Variants in DNAH10 observed in about 807,000 individuals in gnomAD.
DNAH10 encodes dynein axonemal heavy chain 10.
In DNAH10, 348 loss-of-function variants were observed where a neutral mutation model predicts 506.6. The ratio of observed to expected loss-of-function variants is 0.69; its 90% CI spans 0.63 to 0.75. The LOEUF (loss-of-function observed/expected upper bound fraction) is 0.75. DNAH10 is among the 30% of genes least tolerant of loss of function. The probability of loss-of-function intolerance (pLI) is 0.00; values close to 1 mark genes in which losing one functional copy is unlikely to be tolerated. For synonymous variants in DNAH10, 2,059 were observed against 2,198.6 expected, an observed-to-expected ratio of 0.94 and a Z score of 1.78; for missense variants, 5,179 against 5,787.1, an observed-to-expected ratio of 0.89 and a Z score of 3.41.
At chr12:123,839,226 A>C (rs7135932) in intron 29 of DNAH10, among the ~76,000 whole-genome samples, 12,243 of 149,654 alleles carry the variant, frequency 0.082, 1,543 homozygotes, top group African/African-American at 0.28. Context: ...AAAAAAAAAA[A>C]AAAAACAAAA....
rs1439103551 is a variant in DNAH10, at chr12:123,928,728, C to G, written c.12306+141C>G. 5.3e-6 allele frequency: 5 copies of G among 941,490 alleles called. No individual in the cohort carries two copies. Among genetic ancestry groups the G allele is most frequent in the Non-Finnish European group, 6.2e-6 (4 of 645,770 alleles). The allele number at this position is 941,490 out of a possible 1,614,324, so 58.3% of individuals were successfully genotyped here. On this transcript the variant is annotated intron_variant, in intron 70 of 78. Transcript: ENST00000673944. The surrounding 1 kb of genome is among the most constrained non-coding windows in gnomAD (Gnocchi z 4.9). Reference sequence around the variant, plus strand: ...GTGAAACCTTGCGGTTGAAACCCTTCTCAATCCCACCTCTCTCTTTAGAGG... The same window carrying G: ...GTGAAACCTTGCGGTTGAAACCCTTGTCAATCCCACCTCTCTCTTTAGAGG...
chr12:123,798,336 A>G (rs900229975), intron 13 of DNAH10, among the ~76,000 whole-genome samples: 6 of 152,218 alleles, frequency 3.9e-5, no homozygotes, highest in African/African-American at 9.6e-5. Flanking sequence ...GAAACTCCCA[A>G]TCATGGTGGA....
At chr12:123,894,082 CTTTTTTT>C (rs558490981) in intron 53 of DNAH10, among the ~76,000 whole-genome samples, 70 of 89,160 alleles carry the variant, frequency 7.9e-4, no homozygotes, top group African/African-American at 2.7e-3. Flanking sequence ...AATGAGCATC[CTTTTTTT>C]TTTTTTTTTT....
chr12:123,885,180 G>A (rs1351380117), intron 51 of DNAH10, among the ~76,000 whole-genome samples: 13 of 152,166 alleles, frequency 8.5e-5, no homozygotes, highest in Admixed American at 5.9e-4. Flanking sequence ...TTGAACCAGA[G>A]GAAGTCAGGG....
In DNAH10 at chr12:123,924,490, C is replaced by T. The variant is rs113254407; in HGVS notation, c.11766+58C>T. 1,070 of 1,587,312 alleles carry T rather than the reference C, an allele frequency of 6.7e-4. 10 individuals are homozygous for T. The African/African-American group carries it at 0.013, about 19-fold the overall frequency. On this transcript the variant is annotated intron_variant, in intron 67 of 78. Coordinates refer to ENST00000673944, the MANE Select transcript of DNAH10 (RefSeq NM_001372106.1). ...TCCCCACATGTCAACAATCTCCAAA[C>T]CTCAACTGTGGCCCAACCCCTTAAG...
chr12:123,864,707 G>C lies in DNAH10; in HGVS notation c.7021G>C (p.Ala2341Pro), dbSNP rs771466330. 6 of 1,613,768 alleles carry C rather than the reference G, an allele frequency of 3.7e-6. No homozygotes were observed. In the Admixed American group the frequency reaches 5.0e-5, roughly 13 times the overall value. Residue 2341 changes from alanine (A) to proline (P), a missense_variant, in exon 40 of 79, where the codon GCA becomes CCA. Around this residue, in one of 3 missense-constraint regions of DNAH10, gnomAD observed 4,844 missense variants for 5,430.5 expected, o/e 0.89. Coordinates refer to ENST00000673944, the MANE Select transcript of DNAH10 (RefSeq NM_001372106.1). ...LANGERIRLQ[A>P]HCALLFEVGD... is the part of the protein sequence containing the mutation. ...CAACGGGGAACGCATCCGGCTCCAA[G>C]CACACTGTGCCCTGCTCTTTGAGGC... is the stretch of plus-strand genomic sequence containing the variant.
At chr12:123,765,799 C>A (rs753827085) in intron 1 of DNAH10, among the ~76,000 whole-genome samples, 4 of 113,354 alleles carry the variant, frequency 3.5e-5, no homozygotes, top group African/African-American at 6.2e-5. Flanking sequence ...GTCTATACAT[C>A]TATCTACCTA....
intron 51 of DNAH10, among the ~76,000 whole-genome samples, chr12:123,883,888 A>G (rs1952616112): frequency 6.6e-6 from 1 of 151,968 alleles, no homozygotes; most frequent in African/African-American, 2.4e-5. Flanking sequence ...GCAGGACGGG[A>G]TCTGTATTCA....
In DNAH10 at chr12:123,916,629, A is replaced by C. The variant is rs1321086210; in HGVS notation, c.10895A>C (p.Lys3632Thr). ...QGRQFIILGD[K>T]EVDYDSNFRL... is the part of the protein sequence containing the mutation. ...CGGCAGTTTATTATCCTGGGAGACAAGGAAGTGGACTATGATTCAAATTTC... is the reference window on the plus strand; with the variant it reads ...CGGCAGTTTATTATCCTGGGAGACACGGAAGTGGACTATGATTCAAATTTC... The change falls in exon 63 of 79, where the codon AAG (lysine) becomes ACG (threonine). Residue 3632 changes from lysine to threonine, a missense_variant. By Grantham distance (78) the Lys-to-Thr change is moderately conservative (BLOSUM62 -1). Transcript: ENST00000673944. The surrounding 1 kb of genome is among the most constrained non-coding windows in gnomAD (Gnocchi z 4.6). The C allele has an allele frequency of 6.2e-7, 1 of 1,613,826 alleles. No homozygotes were observed. Among genetic ancestry groups the C allele is most frequent in the Non-Finnish European group, 8.5e-7 (1 of 1,179,880 alleles).
chr12:123,823,858 T>G (rs975880297), intron 24 of DNAH10, among the ~76,000 whole-genome samples: 5 of 151,350 alleles, frequency 3.3e-5, no homozygotes, highest in African/African-American at 1.2e-4. Context: ...TTCTTTCTGG[T>G]TTTTTTTTCT....
chr12:123,851,115 C>G (rs757903531), intron 35 of DNAH10, 39 bp downstream of exon 35: 1 of 1,534,144 alleles, frequency 6.5e-7, no homozygotes, highest in Admixed American at 2.0e-5. Context: ...GCAGTGCAGA[C>G]TTCACCCGGG....
In DNAH10 at chr12:123,787,994, GT is replaced by G. The variant is rs1565903647; in HGVS notation, c.1614del (p.Leu539CysfsTer15). The G allele has an allele frequency of 1.3e-6, 2 of 1,566,814 alleles. No homozygotes were observed. On this transcript the variant is annotated frameshift_variant, in exon 10 of 79. Coordinates refer to ENST00000673944, the MANE Select transcript of DNAH10 (RefSeq NM_001372106.1). LOFTEE classifies it high-confidence loss of function. This position sits in a 1 kb window ranked among gnomAD's most constrained non-coding sequence, Gnocchi z 4.6. ...CACCATCTGCCAGGACCTCTCCGAC[GT>G]TCTGCAGGTAGGGGCTGGGCGAAGG... ...MATICQDLSD[V>X]LQILEEFYNI...
At chr12:123,788,495 T>C (rs2136209088) in intron 10 of DNAH10, among the ~76,000 whole-genome samples, 1 of 152,246 alleles carries the variant, frequency 6.6e-6, no homozygotes, top group South Asian at 2.1e-4. Flanking sequence ...GAACTCACGG[T>C]GTGCCGGGTA....
intron 16 of DNAH10, 125 bp from the exon 17 acceptor site, chr12:123,803,536 G>A (rs978181386): frequency 1.1e-6 from 1 of 940,458 alleles, no homozygotes; most frequent in Non-Finnish European, 1.5e-6. Context: ...AAAGACCCAA[G>A]GGGTTGGAAT....
chr12:123,826,819 T>A lies in DNAH10; in HGVS notation c.4312T>A (p.Tyr1438Asn). ...RPVRGLSVTY[Y>N]LEAKMKAFKD... The stretch of plus-strand genomic sequence containing the variant: ...AGTCCGTGGCTTATCAGTGACCTAC[T>A]ACTTGGAAGCAAAAATGAAGGCATT... Residue 1438 changes from tyrosine to asparagine, a missense_variant, in exon 25 of 79, where the codon TAC (tyrosine) becomes AAC (asparagine). Coordinates refer to ENST00000673944, the MANE Select transcript of DNAH10 (RefSeq NM_001372106.1). The A allele has an allele frequency of 1.9e-6, 3 of 1,614,030 alleles. No homozygotes were observed. The highest frequency in any genetic ancestry group is 2.5e-6 in the Non-Finnish European group (3 of 1,179,878).
chr12:123,805,556 G>A (rs999109024), intron 18 of DNAH10, among the ~76,000 whole-genome samples: 1 of 152,140 alleles, frequency 6.6e-6, no homozygotes, highest in Non-Finnish European at 1.5e-5. Context: ...GGACCCCATC[G>A]CATTGGTGGC....
At chr12:123,891,117 C>A (rs1388484318) in intron 52 of DNAH10, among the ~76,000 whole-genome samples, 1 of 152,102 alleles carries the variant, frequency 6.6e-6, no homozygotes, top group Non-Finnish European at 1.5e-5. Flanking sequence ...GTGGGGGAAT[C>A]TGTGTTGCTG....
At chr12:123,914,274 T>C in intron 60 of DNAH10, 55 bp from the exon 61 acceptor site, 2 of 1,518,942 alleles carry the variant, frequency 1.3e-6, no homozygotes. Context: ...GAATGTTCCT[T>C]TTGGTTGTGG....
intron 4 of DNAH10, 128 bp downstream of exon 4, chr12:123,773,070 T>A (rs1957317880): frequency 1.5e-6 from 1 of 652,976 alleles, no homozygotes; most frequent in Non-Finnish European, 2.6e-6. Context: ...TTCTTTTCCA[T>A]ACTGTACTGG....
Sources: gnomAD v4.1 joint callset for allele counts (sites outside exome capture counted in the v4.1 genomes callset) on GRCh38, gnomAD v4.1.1 for gene constraint, gnomAD v4.1.1 regional missense constraint, Gnocchi (gnomAD v3.1) non-coding constraint, MANE v1.5 for transcripts, NCBI Gene and HGNC (gene_info 2026-07-23, HGNC 2026-07-21) for gene names.